The following MORF4L1 variants were observed in gnomAD, a reference collection of about 807,000 sequenced individuals.
The protein encoded by MORF4L1 is mortality factor 4-like protein 1.
In MORF4L1, 4 loss-of-function variants were observed where a neutral mutation model predicts 52.9. That is an observed-to-expected ratio of 0.08 (90% CI 0.04 to 0.17). The LOEUF is 0.17. Among genes scored for constraint, MORF4L1 ranks in the 10% least tolerant of loss-of-function variants. MORF4L1 has a pLI of 1.00. For missense variants in MORF4L1, 214 were observed against 390.4 expected (o/e 0.55, Z 3.81); for synonymous variants, 123 against 134.8 (o/e 0.91, Z 0.61).
At position 78,877,158 on chromosome 15, in the gene MORF4L1, T is replaced by C. The variant is rs1165134062; in HGVS notation, c.41-1055T>C. Among the ~76,000 whole-genome samples the C allele has an allele frequency of 6.2e-5, 7 of 112,206 alleles. No individual in the cohort carries two copies. In the Admixed American group the frequency reaches 8.4e-4, roughly 13 times the overall value. The allele number at this position is 112,206 out of a possible 152,430, so 73.6% of individuals were successfully genotyped here. A position where few individuals can be genotyped will look rare whatever the true frequency, so the allele number is the denominator to read the frequency against. ...TTTTTTTTGAGAGGGCGGCTCCTTC[T>C]CACCCAGGCTGGAGTGCGGTGACAA... is the stretch of plus-strand genomic sequence containing the variant. On this transcript the variant is annotated intron_variant, in intron 1 of 11. Coordinates refer to ENST00000426013, the MANE Select transcript of MORF4L1 (RefSeq NM_006791.4).
At chr15:78,875,398 A>T (rs1178911572) in intron 1 of MORF4L1, among the ~76,000 whole-genome samples, 6 of 152,186 alleles carry the variant, frequency 3.9e-5, no homozygotes, top group African/African-American at 7.2e-5. Flanking sequence ...TGTGTAAGAG[A>T]GTCTGTATTT....
intron 2 of MORF4L1, among the ~76,000 whole-genome samples, chr15:78,879,350 T>C (rs1468520506): frequency 6.6e-6 from 1 of 151,894 alleles, no homozygotes; most frequent in Non-Finnish European, 1.5e-5. Context: ...GCCTCCCGAG[T>C]AGCTGGGATT....
At position 78,891,563 on chromosome 15, in the gene MORF4L1, T is replaced by C. The variant is rs1241603423; in HGVS notation, c.429T>C (p.Thr143=). 6 of 1,612,082 alleles carry C rather than the reference T, an allele frequency of 3.7e-6. No individual in the cohort carries two copies. Among genetic ancestry groups the C allele is most frequent in the Non-Finnish European group, 5.1e-6 (6 of 1,178,470 alleles). The stretch of plus-strand genomic sequence containing the variant: ...AGAAAAGGGCCCGGGTAGATCCTAC[T>C]GTTGAAAATGTGAGTTTTTCTTGTG... ...PRKKRARVDP[T]VENEETFMNR... is the part of the protein sequence containing the mutation. The change falls in exon 7 of 12, where the codon ACT becomes ACC. Residue 143 remains threonine (T), a synonymous_variant. Transcript: ENST00000426013.
At chr15:78,882,689 C>T (rs1298789645) in intron 3 of MORF4L1, among the ~76,000 whole-genome samples, 4 of 151,982 alleles carry the variant, frequency 2.6e-5, no homozygotes, top group Admixed American at 1.3e-4. Flanking sequence ...TTTATGCATA[C>T]TATGAGTGGG....
intron 2 of MORF4L1, among the ~76,000 whole-genome samples, chr15:78,879,271 G>T (rs1055962462): frequency 1.3e-5 from 2 of 152,078 alleles, no homozygotes; most frequent in Non-Finnish European, 2.9e-5. Flanking sequence ...GCCCAGGCTG[G>T]AGTGCAGTGG....
At position 78,873,057 on chromosome 15, in the gene MORF4L1, G is replaced by T; in HGVS notation, c.40G>T (p.Gly14Cys). ...GGACCCGAAGCCTAAATTCCAGGAG[G>T]GTGAGTGTGCGCCTTTGGGAAAAAG... ...KQDPKPKFQE[G>C]ERVLCFHGPL... is the part of the protein sequence containing the mutation. The change falls in exon 1 of 12, where the codon GGT becomes TGT. Residue 14 changes from glycine (G) to cysteine (C), a missense_variant and splice_region_variant. By Grantham distance (159) the Gly-to-Cys change is radical (BLOSUM62 -3). Around this residue, in one of 5 missense-constraint regions of MORF4L1, gnomAD observed 32 missense variants for 51.1 expected, o/e 0.63. Transcript: ENST00000426013. The T allele has an allele frequency of 6.4e-7, 1 of 1,551,998 alleles. No individual in the cohort carries two copies. Among genetic ancestry groups the T allele is most frequent in the East Asian group, 2.4e-5 (1 of 41,212 alleles).
At chr15:78,887,539 C>T (rs2056726522) in intron 5 of MORF4L1, 190 bp downstream of exon 5, 7 of 464,728 alleles carry the variant, frequency 1.5e-5, no homozygotes, top group Admixed American at 4.0e-5. Flanking sequence ...CAGCAGGTTC[C>T]CCCTCCCTTT....
chr15:78,876,745 C>T (rs62013160), intron 1 of MORF4L1, among the ~76,000 whole-genome samples: 19,690 of 152,058 alleles, frequency 0.13, 1,344 homozygotes, highest in East Asian at 0.26. Context: ...TCCCGTTTTC[C>T]AGTCTCCGTC....
chr15:78,874,331 T>A (rs2056436744), intron 1 of MORF4L1, among the ~76,000 whole-genome samples: 1 of 151,978 alleles, frequency 6.6e-6, no homozygotes, highest in Non-Finnish European at 1.5e-5. Flanking sequence ...ATTTTAAGTT[T>A]ATGGAATATT....
At chr15:78,878,093 G>A (rs2056530351) in intron 1 of MORF4L1, 120 bp from the exon 2 acceptor site, 4 of 930,404 alleles carry the variant, frequency 4.3e-6, no homozygotes, top group Non-Finnish European at 6.4e-6. Flanking sequence ...CTGTATACCC[G>A]TCCTCATTTT....
Position 78,897,052 on chromosome 15 carries a change from T to G in MORF4L1, c.957T>G (p.His319Gln). 1 of 1,612,046 alleles carries G rather than the reference T, an allele frequency of 6.2e-7. No homozygotes were observed. Among genetic ancestry groups the G allele is most frequent in the Non-Finnish European group, 8.5e-7 (1 of 1,179,448 alleles). Residue 319 changes from histidine to glutamine, a missense_variant, in exon 12 of 12, where the codon CAT becomes CAG. Around this residue, in one of 5 missense-constraint regions of MORF4L1, gnomAD observed 30 missense variants for 34.6 expected, o/e 0.87. Coordinates refer to ENST00000426013, the MANE Select transcript of MORF4L1 (RefSeq NM_006791.4). ...ATGAAGTGGCTCCTCCTGAGTACCA[T>G]CGGAAAGCTGTGTGAGAGGCACTCT... ...SDYEVAPPEY[H>Q]RKAV is the part of the protein sequence containing the mutation.
At chr15:78,880,045 G>A (rs1005231686) in intron 2 of MORF4L1, among the ~76,000 whole-genome samples, 1 of 152,226 alleles carries the variant, frequency 6.6e-6, no homozygotes, top group African/African-American at 2.4e-5. Flanking sequence ...TTGTCTGGCT[G>A]CTTTTAAGAA....
intron 9 of MORF4L1, 42 bp from the exon 10 acceptor site, chr15:78,894,016 T>C (rs1262908721): frequency 1.9e-6 from 3 of 1,549,490 alleles, no homozygotes; most frequent in African/African-American, 1.4e-5. Context: ...ATGTCAGTTA[T>C]TTTTATTGAC....
chr15:78,883,050 AC>A (rs1372139154), intron 3 of MORF4L1, among the ~76,000 whole-genome samples: 1 of 152,110 alleles, frequency 6.6e-6, no homozygotes, highest in Non-Finnish European at 1.5e-5. Flanking sequence ...CCCCATCTCT[AC>A]TAAAAATAAA....
chr15:78,885,688 T>G (rs1039539552), intron 3 of MORF4L1, among the ~76,000 whole-genome samples: 2 of 152,234 alleles, frequency 1.3e-5, no homozygotes, highest in Admixed American at 6.5e-5. Context: ...AGATAAGTAC[T>G]GTTGTTATCC....
rs891361659 is a variant in MORF4L1 at position 78,877,991 on chromosome 15, T to C, written c.41-222T>C. On this transcript the variant is annotated intron_variant, in intron 1 of 11. Transcript: ENST00000426013. ...AGATGATTTGATTATTTAAGTAGAT[T>C]GACCTGCTAATGAATTGTTTTTGTT... 11 of 442,346 alleles carry C rather than the reference T, an allele frequency of 2.5e-5. No homozygotes were observed. The South Asian group carries it at 5.0e-4, about 20-fold the overall frequency. 27.4% of individuals were successfully genotyped at this position (442,346 alleles called of 1,614,324 possible).
At chr15:78,895,130 T>A (rs1567319945) in intron 11 of MORF4L1, among the ~76,000 whole-genome samples, 1 of 152,204 alleles carries the variant, frequency 6.6e-6, no homozygotes, top group Non-Finnish European at 1.5e-5. Context: ...TCTGGTAGAT[T>A]GGTGATAAGA....
chr15:78,886,269 G>A, intron 4 of MORF4L1, 42 bp downstream of exon 4: 2 of 1,489,022 alleles, frequency 1.3e-6, no homozygotes, highest in South Asian at 1.1e-5. Flanking sequence ...AGAAATGCCT[G>A]TAGATTAATT....
intron 10 of MORF4L1, chr15:78,894,440 T>TCTTA (rs1555440968): frequency 2.6e-6 from 1 of 386,008 alleles, no homozygotes; most frequent in East Asian, 4.9e-5. Context: ...AGACAGACAG[T>TCTTA]CTCTGTTGCC....
Sources: allele counts gnomAD v4.1 joint callset (sites outside exome capture counted in the v4.1 genomes callset), GRCh38; gene constraint gnomAD v4.1.1; regional missense constraint gnomAD v4.1.1; transcripts MANE v1.5; gene names NCBI Gene and HGNC (gene_info 2026-07-23, HGNC 2026-07-21).